Variants in LRP2 observed in about 807,000 individuals in gnomAD.
LRP2 encodes the protein LDL receptor related protein 2, also known as low-density lipoprotein receptor-related protein 2.
LRP2 carries 172 observed loss-of-function variants against 531.0 expected under a neutral mutation model. That is an observed-to-expected ratio of 0.32 (90% CI 0.29 to 0.37). The LOEUF (loss-of-function observed/expected upper bound fraction) is 0.37. LRP2 is among the 10% of genes least tolerant of loss of function. The probability of loss-of-function intolerance (pLI) is 1.00; values close to 1 mark genes in which losing one functional copy is unlikely to be tolerated. For synonymous variants in LRP2, 1,992 were observed against 2,027.6 expected (o/e 0.98, Z 0.47); for missense variants, 5,167 against 5,868.3 (o/e 0.88, Z 3.90).
chr2:169,344,976 T>A (rs915189613), intron 1 of LRP2, among the ~76,000 whole-genome samples: 2 of 152,166 alleles, frequency 1.3e-5, no homozygotes, highest in African/African-American at 4.8e-5. Context: ...ATCAAAAAAA[T>A]AAATCAGAAA....
chr2:169,358,475 T>G (rs1686051156), intron 1 of LRP2, among the ~76,000 whole-genome samples: 2 of 152,188 alleles, frequency 1.3e-5, no homozygotes, highest in Non-Finnish European at 2.9e-5. Flanking sequence ...AGAAGTCTTA[T>G]GAAGACTGGT....
At chr2:169,137,552 C>T (rs964801653) in intron 75 of LRP2, 59 bp from the exon 76 acceptor site, 11 of 1,026,458 alleles carry the variant, frequency 1.1e-5, no homozygotes, top group Non-Finnish European at 1.5e-5. Flanking sequence ...AGAGAGATTA[C>T]ACCATACTAA....
At position 169,272,934 on chromosome 2, in the gene LRP2, G is replaced by C; in HGVS notation, c.2109C>G (p.His703Gln). 1 of 1,613,672 alleles carries C rather than the reference G, an allele frequency of 6.2e-7. No individual in the cohort carries two copies. The highest frequency in any genetic ancestry group is 1.3e-5 in the African/African-American group (1 of 75,002). Residue 703 changes from histidine (H) to glutamine (Q), a missense_variant, in exon 15 of 79, where the codon CAC (histidine) becomes CAG (glutamine). By Grantham distance (24) the His-to-Gln change is conservative. Transcript: ENST00000649046. ...FGFQLDTDERHCIAVQNFLIF... is the reference protein window; with the variant it reads ...FGFQLDTDERQCIAVQNFLIF... ...CCAAAACAGACTTCTTACCAATGCAGTGGCGCTCATCTGTATCCAGTTGGA... is the reference window on the plus strand; with the variant it reads ...CCAAAACAGACTTCTTACCAATGCACTGGCGCTCATCTGTATCCAGTTGGA...
chr2:169,220,481 A>G lies in LRP2; in HGVS notation c.5621T>C (p.Ile1874Thr), dbSNP rs202167372. 1.4e-5 allele frequency: 22 copies of G among 1,613,656 alleles called. No individual in the cohort carries two copies. The highest frequency in any genetic ancestry group is 1.8e-5 in the Non-Finnish European group (21 of 1,179,668). Residue 1874 changes from isoleucine to threonine, a missense_variant, in exon 34 of 79, where the codon ATT becomes ACT. Around this residue, in one of 6 missense-constraint regions of LRP2, gnomAD observed 2,811 missense variants for 3,058.0 expected, o/e 0.92. Coordinates refer to ENST00000649046, the MANE Select transcript of LRP2 (RefSeq NM_004525.3). ...DGTALGVGFP[I>T]GITVDPARGK... ...ACGAGCAGGATCAACAGTTATGCCAATTGGAAAGCCAACTCCAAGAGCTGT... is the reference window on the plus strand; with the variant it reads ...ACGAGCAGGATCAACAGTTATGCCAGTTGGAAAGCCAACTCCAAGAGCTGT...
At chr2:169,199,398 A>AGC (rs1688111836) in intron 44 of LRP2, among the ~76,000 whole-genome samples, 2 of 152,180 alleles carry the variant, frequency 1.3e-5, no homozygotes, top group South Asian at 4.1e-4. Context: ...GTGTGTAGCA[A>AGC]GAGAGAGATG....
intron 3 of LRP2, among the ~76,000 whole-genome samples, chr2:169,316,134 C>G (rs537191278): frequency 7.5e-6 from 1 of 133,822 alleles, no homozygotes; most frequent in African/African-American, 3.1e-5. Context: ...AGAGCAAGAC[C>G]CTGTCTCAAA....
At chr2:169,274,233 T>C (rs528415732) in intron 14 of LRP2, among the ~76,000 whole-genome samples, 1 of 152,280 alleles carries the variant, frequency 6.6e-6, no homozygotes, top group South Asian at 2.1e-4. Flanking sequence ...AGAAAAGAGC[T>C]ATATACAGTC....
Position 169,139,281 on chromosome 2 carries a change from G to C in LRP2, c.13358C>G (p.Ser4453Cys). ...AGFFHYRRTG[S>C]LLPALPKLPS... is the part of the protein sequence containing the mutation. ...CAGCTTGGGCAGAGCAGGCAAAAGG[G>C]AGCCGGTCCTTCTATAGTGGAAGAA... The change falls in exon 74 of 79, where the codon TCC (serine) becomes TGC (cysteine). Residue 4453 changes from serine to cysteine, a missense_variant. This residue lies in a region of LRP2 where 348 missense variants were observed against 369.3 expected (regional missense o/e 0.94). Transcript: ENST00000649046. The C allele has an allele frequency of 6.2e-7, 1 of 1,614,156 alleles. No homozygotes were observed. The highest frequency in any genetic ancestry group is 1.1e-5 in the South Asian group (1 of 91,086).
rs1430552800 is a variant in LRP2 at position 169,278,019 on chromosome 2, C to G, written c.1566-68G>C. The G allele has an allele frequency of 4.6e-6, 6 of 1,305,026 alleles. No homozygotes were observed. The East Asian group carries it at 1.4e-4, about 31-fold the overall frequency. The allele number at this position is 1,305,026 out of a possible 1,614,324, so 80.8% of individuals were successfully genotyped here. On this transcript the variant is annotated intron_variant, in intron 12 of 78. Transcript: ENST00000649046. ...AAGTTAACCTGGGAATTTTTTTTAA[C>G]AGTGTGTTTGGATCAATGGAAATTT...
At chr2:169,326,336 C>T (rs1284117953) in intron 1 of LRP2, among the ~76,000 whole-genome samples, 3 of 151,816 alleles carry the variant, frequency 2.0e-5, no homozygotes, top group Non-Finnish European at 4.4e-5. Flanking sequence ...CTGCCTCAGC[C>T]TGCCGAGTGC....
At position 169,202,952 on chromosome 2, in the gene LRP2, A is replaced by G. The variant is rs774285645; in HGVS notation, c.8013T>C (p.Asn2671=). 8 of 1,614,098 alleles carry G rather than the reference A, an allele frequency of 5.0e-6. No individual in the cohort carries two copies. Among genetic ancestry groups the G allele is most frequent in the Non-Finnish European group, 6.8e-6 (8 of 1,179,974 alleles). The change falls in exon 43 of 79, where the codon AAT becomes AAC. Residue 2671 remains asparagine, a synonymous_variant. Coordinates refer to ENST00000649046, the MANE Select transcript of LRP2 (RefSeq NM_004525.3). ...CATGTGGACACTGGCACTCGGCACC[A>G]TTTGGACCTGAAGAAAGATAATCCC... is the stretch of plus-strand genomic sequence containing the variant. The part of the protein sequence containing the change: ...GCSHICAPGP[N]GAECQCPHEG...
chr2:169,326,989 CA>C (rs1685085642), intron 1 of LRP2, among the ~76,000 whole-genome samples: 1 of 150,994 alleles, frequency 6.6e-6, no homozygotes, highest in Non-Finnish European at 1.5e-5. Context: ...GCATCCGCCC[CA>C]TCTGAGAAGT....
rs375117974 is a variant in LRP2, at chr2:169,206,822, T to C, written c.6898A>G (p.Ile2300Val). 3 of 1,614,178 alleles carry C rather than the reference T, an allele frequency of 1.9e-6. No individual in the cohort carries two copies. Among genetic ancestry groups the C allele is most frequent in the South Asian group, 1.1e-5 (1 of 91,086 alleles). Reference sequence around the variant, plus strand: ...TCTGGTTCCTTGCTGGCTTGGAAGATCTTTTTCAAATTCCTATCTACCCAT... The same window carrying C: ...TCTGGTTCCTTGCTGGCTTGGAAGACCTTTTTCAAATTCCTATCTACCCAT... ...IIWVDRNLKK[I>V]FQASKEPENT... Residue 2300 changes from isoleucine (I) to valine (V), a missense_variant, in exon 39 of 79, where the codon ATC becomes GTC. Transcript: ENST00000649046.
intron 1 of LRP2, among the ~76,000 whole-genome samples, chr2:169,349,358 C>T (rs778035801): frequency 3.9e-5 from 6 of 152,034 alleles, no homozygotes; most frequent in Non-Finnish European, 8.8e-5. Flanking sequence ...GGGGCAAGTG[C>T]AAAGGCCCAA....
intron 35 of LRP2, 107 bp downstream of exon 35, chr2:169,216,146 G>C: frequency 8.3e-7 from 1 of 1,202,156 alleles, no homozygotes; most frequent in Non-Finnish European, 1.2e-6. Flanking sequence ...ACTGGTACAA[G>C]TTACCAAGTA....
chr2:169,132,789 C>T, intron 76 of LRP2, 108 bp from the exon 77 acceptor site: 1 of 717,970 alleles, frequency 1.4e-6, no homozygotes, highest in Non-Finnish European at 2.6e-6. Context: ...CTTGTTCTCC[C>T]ACAGACATCA....
In LRP2 at chr2:169,272,962, C is replaced by T; in HGVS notation, c.2081G>A (p.Gly694Asp). Residue 694 changes from glycine (G) to aspartate (D), a missense_variant, in exon 15 of 79, where the codon GGC (glycine) becomes GAC (aspartate). Coordinates refer to ENST00000649046, the MANE Select transcript of LRP2 (RefSeq NM_004525.3). ...GLGFRCKCTF[G>D]FQLDTDERHC... Reference sequence around the variant, plus strand: ...GCGCTCATCTGTATCCAGTTGGAAGCCGAATGTGCACTTGCAACGGAAACC... The same window carrying T: ...GCGCTCATCTGTATCCAGTTGGAAGTCGAATGTGCACTTGCAACGGAAACC... The T allele has an allele frequency of 1.2e-6, 2 of 1,613,748 alleles. No individual in the cohort carries two copies. Among genetic ancestry groups the T allele is most frequent in the Middle Eastern group, 1.7e-4 (1 of 6,052 alleles).
In LRP2 at chr2:169,231,584, A is replaced by G. The variant is rs2105368780; in HGVS notation, c.5227+130T>C. The G allele has an allele frequency of 9.6e-6, 11 of 1,145,198 alleles. 1 individual carries two copies. The South Asian group carries it at 1.4e-4, about 14-fold the overall frequency. 70.9% of individuals were successfully genotyped at this position (1,145,198 alleles called of 1,614,324 possible). A position where few individuals can be genotyped will look rare whatever the true frequency, so the allele number is the denominator to read the frequency against. Reference sequence around the variant, plus strand: ...GACATCACCCCATACAACACACATCATTCTGCAGACACCTGAGGAATCAAA... The same window carrying G: ...GACATCACCCCATACAACACACATCGTTCTGCAGACACCTGAGGAATCAAA... On this transcript the variant is annotated intron_variant, in intron 31 of 78. Transcript: ENST00000649046.
chr2:169,181,088 A>G (rs1012298269), intron 52 of LRP2, among the ~76,000 whole-genome samples: 2 of 152,234 alleles, frequency 1.3e-5, no homozygotes, highest in Non-Finnish European at 2.9e-5. Context: ...ACTAAAATTT[A>G]TTAATCATAT....
Sources: allele counts gnomAD v4.1 joint callset (sites outside exome capture counted in the v4.1 genomes callset), GRCh38; gene constraint gnomAD v4.1.1; regional missense constraint gnomAD v4.1.1; transcripts MANE v1.5; gene names NCBI Gene and HGNC (gene_info 2026-07-23, HGNC 2026-07-21).